Variants in DOCK8 observed in about 807,000 individuals in gnomAD.
The protein encoded by DOCK8 is dedicator of cytokinesis protein 8.
DOCK8 carries 141 observed loss-of-function variants against 245.6 expected under a neutral mutation model. The ratio of observed to expected loss-of-function variants is 0.57; its 90% CI spans 0.50 to 0.66. DOCK8 has a LOEUF of 0.66. Among genes scored for constraint, DOCK8 ranks in the 30% least tolerant of loss-of-function variants. The probability of loss-of-function intolerance (pLI) is 0.00; values close to 1 mark genes in which losing one functional copy is unlikely to be tolerated. For synonymous variants in DOCK8, 1,168 were observed against 970.2 expected, an observed-to-expected ratio of 1.20 and a Z score of -3.79; for missense variants, 2,965 against 2,603.4, an observed-to-expected ratio of 1.14 and a Z score of -3.02.
At chr9:366,674 C>T (rs1466908802) in intron 14 of DOCK8, 1 of 152,188 alleles carries the variant, frequency 6.6e-6, no homozygotes, top group Non-Finnish European at 1.5e-5. Context: ...AAAGAAGAGT[C>T]TTTCTCCTTC....
At chr9:290,441 A>G (rs922098916) in intron 4 of DOCK8, among the ~76,000 whole-genome samples, 42 of 152,314 alleles carry the variant, frequency 2.8e-4, no homozygotes, top group African/African-American at 1.0e-3. Context: ...CCCAGGGGGA[A>G]AAATTAAGTG....
chr9:350,543 A>G (rs532660970), intron 14 of DOCK8, among the ~76,000 whole-genome samples: 1 of 152,284 alleles, frequency 6.6e-6, no homozygotes, highest in African/African-American at 2.4e-5. Context: ...TAGTCTTACT[A>G]GGGAGAGATA....
At position 386,388 on chromosome 9, in the gene DOCK8, C is replaced by A. The variant is rs531620077; in HGVS notation, c.2836C>A (p.Pro946Thr). Residue 946 changes from proline to threonine, a missense_variant, in exon 23 of 48, where the codon CCA becomes ACA. This residue lies in a region of DOCK8 where 2,825 missense variants were observed against 2,453.5 expected (regional missense o/e 1.15). Coordinates refer to ENST00000432829, the MANE Select transcript of DOCK8 (RefSeq NM_203447.4). ...CTATTGCTCTGGCAGTAGTGATGCT[C>A]CAAGTTCACCTGCAGCCCCAAGGCC... The part of the protein sequence containing the change: ...SYYCSGSSDA[P>T]SSPAAPRPAS... The A allele has an allele frequency of 6.8e-6, 11 of 1,613,898 alleles. No individual in the cohort carries two copies. The South Asian group carries it at 1.2e-4, about 18-fold the overall frequency.
chr9:396,736 A>G, intron 24 of DOCK8, 49 bp from the exon 25 acceptor site: 5 of 1,612,048 alleles, frequency 3.1e-6, no homozygotes, highest in Non-Finnish European at 4.2e-6. Context: ...GCATTGTACA[A>G]GCAGGTCACC....
At chr9:373,645 T>C (rs1293675759) in intron 18 of DOCK8, among the ~76,000 whole-genome samples, 2 of 152,250 alleles carry the variant, frequency 1.3e-5, no homozygotes, top group Non-Finnish European at 2.9e-5. Context: ...CAGTCAACTT[T>C]CTTCTCTGTT....
intron 25 of DOCK8, 125 bp downstream of exon 25, chr9:397,059 C>T (rs568483309): frequency 7.6e-5 from 86 of 1,131,980 alleles, no homozygotes; most frequent in South Asian, 9.5e-5. Context: ...GACAGTTAAA[C>T]GCAGTATGTT....
intron 46 of DOCK8, among the ~76,000 whole-genome samples, chr9:453,369 T>TTC (rs2057527378): frequency 1.3e-5 from 2 of 152,262 alleles, no homozygotes; most frequent in Admixed American, 6.5e-5. Context: ...GTTGTTGTTT[T>TTC]TTCAGTACAT....
intron 46 of DOCK8, chr9:456,101 G>C (rs143884005): frequency 2.0e-5 from 3 of 152,328 alleles, no homozygotes; most frequent in East Asian, 3.9e-4. Flanking sequence ...ATCAGAAGTC[G>C]TGGGTGAGAG....
intron 23 of DOCK8, 125 bp downstream of exon 23, chr9:386,551 C>G (rs1303486216): frequency 2.6e-6 from 2 of 766,106 alleles, no homozygotes; most frequent in African/African-American, 1.7e-5. Context: ...CTAACACACA[C>G]ACACCCCACA....
chr9:429,848 C>T lies in DOCK8; in HGVS notation c.4620C>T (p.Ala1540=), dbSNP rs761144966. 6.2e-7 allele frequency: 1 copy of T among 1,614,054 alleles called. No individual in the cohort carries two copies. The highest frequency in any genetic ancestry group is 1.3e-5 in the African/African-American group (1 of 75,032). The change falls in exon 36 of 48, where the codon GCC becomes GCT. Residue 1540 remains alanine (A), a synonymous_variant. Coordinates refer to ENST00000432829, the MANE Select transcript of DOCK8 (RefSeq NM_203447.4). ...TCCTCATGAGGTTCAGTTTTGGAGC[C>T]ACCAGTGTAAGAGTTCAAACCAGCT... ...LYLLMRFSFG[A]TSNFARVKMQ...
At chr9:216,621 A>G (rs1183177263) in intron 1 of DOCK8, among the ~76,000 whole-genome samples, 3 of 151,762 alleles carry the variant, frequency 2.0e-5, no homozygotes, top group Non-Finnish European at 4.4e-5. Context: ...ATTAAGGTTC[A>G]TAGCTGTTGC....
intron 30 of DOCK8, among the ~76,000 whole-genome samples, chr9:419,270 C>T (rs2056173799): frequency 6.6e-6 from 1 of 152,188 alleles, no homozygotes; most frequent in East Asian, 1.9e-4. Flanking sequence ...TTAGCAAGCT[C>T]CATCACCATG....
At chr9:254,174 G>A (rs747437646) in intron 1 of DOCK8, among the ~76,000 whole-genome samples, 1 of 152,166 alleles carries the variant, frequency 6.6e-6, no homozygotes, top group Non-Finnish European at 1.5e-5. Flanking sequence ...CAAACCCATG[G>A]TAGGCATACA....
intron 14 of DOCK8, among the ~76,000 whole-genome samples, chr9:347,638 A>G (rs550150544): frequency 6.6e-6 from 1 of 152,232 alleles, no homozygotes; most frequent in Non-Finnish European, 1.5e-5. Context: ...TAGGAAGGGC[A>G]GTGGCAGCCC....
At chr9:422,250 C>T in intron 33 of DOCK8, 115 bp downstream of exon 33, 2 of 874,022 alleles carry the variant, frequency 2.3e-6, no homozygotes, top group Non-Finnish European at 3.8e-6. Context: ...AATGAAACAT[C>T]ATTATCTGTG....
At chr9:214,421 T>C, upstream of DOCK8, 1 of 1,373,242 alleles carries the variant, frequency 7.3e-7, no homozygotes, top group Non-Finnish European at 1.0e-6. Context: ...AAAGTTGATT[T>C]GAATCCTGAT....
intron 5 of DOCK8, among the ~76,000 whole-genome samples, chr9:306,159 C>T (rs2049817197): frequency 6.6e-6 from 1 of 152,178 alleles, no homozygotes; most frequent in Admixed American, 6.5e-5. Flanking sequence ...TTTTCAGCTT[C>T]CATGTGTCTT....
At chr9:385,350 TAA>T (rs1393650844) in intron 22 of DOCK8, among the ~76,000 whole-genome samples, 1 of 152,190 alleles carries the variant, frequency 6.6e-6, no homozygotes, top group Non-Finnish European at 1.5e-5. Context: ...TAAAAGATAT[TAA>T]GAGAAATGCA....
intron 1 of DOCK8, among the ~76,000 whole-genome samples, chr9:262,786 C>G (rs770600947): frequency 1.1e-4 from 16 of 152,122 alleles, no homozygotes; most frequent in Non-Finnish European, 1.9e-4. Flanking sequence ...ATGTGCAGTT[C>G]ATTGCCAGCT....
Sources: allele counts gnomAD v4.1 joint callset (sites outside exome capture counted in the v4.1 genomes callset), GRCh38; gene constraint gnomAD v4.1.1; regional missense constraint gnomAD v4.1.1; transcripts MANE v1.5; gene names NCBI Gene and HGNC (gene_info 2026-07-23, HGNC 2026-07-21).